CA8: variants seen among roughly 807,000 people sequenced by gnomAD.
The protein encoded by CA8 is carbonic anhydrase 8 (inactive).
A neutral mutation model predicts 41.4 loss-of-function variants in CA8; 22 were observed. That is an observed-to-expected ratio of 0.53 (90% CI 0.38 to 0.76). CA8 has a LOEUF of 0.76. Ranked by LOEUF, CA8 falls within the 30% of genes least tolerant of loss-of-function variation. The probability of loss-of-function intolerance (pLI) is 0.00; values close to 1 mark genes in which losing one functional copy is unlikely to be tolerated. For missense variants in CA8, 270 were observed against 352.8 expected (o/e 0.77, Z 1.88); for synonymous variants, 121 against 130.6 (o/e 0.93, Z 0.50).
chr8:60,265,809 T>C, intron 3 of CA8, 116 bp downstream of exon 3: 1 of 1,172,836 alleles, frequency 8.5e-7, no homozygotes, highest in Non-Finnish European at 1.2e-6. Flanking sequence ...AATTTTAGTA[T>C]AAACTGATAA....
intron 8 of CA8, among the ~76,000 whole-genome samples, chr8:60,193,266 A>G (rs988623940): frequency 2.0e-5 from 3 of 152,138 alleles, no homozygotes; most frequent in African/African-American, 7.2e-5. Flanking sequence ...AAGATATATC[A>G]TGCATTGTAT....
At chr8:60,210,647 C>A (rs148982667) in intron 7 of CA8, among the ~76,000 whole-genome samples, 5 of 151,460 alleles carry the variant, frequency 3.3e-5, no homozygotes, top group South Asian at 4.2e-4. Flanking sequence ...TACTTACATG[C>A]GCTTCGAATG....
At chr8:60,242,485 C>T (rs1456752737) in intron 3 of CA8, among the ~76,000 whole-genome samples, 1 of 152,042 alleles carries the variant, frequency 6.6e-6, no homozygotes. Context: ...TTGGAAAAGA[C>T]AGAGCGGGGT....
chr8:60,243,392 C>T (rs1407375846), intron 3 of CA8, among the ~76,000 whole-genome samples: 1 of 150,896 alleles, frequency 6.6e-6, no homozygotes, highest in Non-Finnish European at 1.5e-5. Flanking sequence ...TTAGCTCCTT[C>T]TCAACACCAT....
At chr8:60,212,445 T>C (rs576523652) in intron 7 of CA8, among the ~76,000 whole-genome samples, 2 of 152,364 alleles carry the variant, frequency 1.3e-5, no homozygotes, top group African/African-American at 4.8e-5. Flanking sequence ...GTGGTTTCCC[T>C]GTCTTGGCTT....
chr8:60,201,864 C>G (rs1297925594), intron 8 of CA8, among the ~76,000 whole-genome samples: 1 of 152,160 alleles, frequency 6.6e-6, no homozygotes, highest in Non-Finnish European at 1.5e-5. Flanking sequence ...TACTTTAATG[C>G]AACTATAATC....
At chr8:60,202,314 C>A (rs1350714163) in intron 8 of CA8, among the ~76,000 whole-genome samples, 1 of 151,438 alleles carries the variant, frequency 6.6e-6, no homozygotes, top group Non-Finnish European at 1.5e-5. Context: ...GCCTCACAAA[C>A]TGCTGGGATT....
intron 3 of CA8, among the ~76,000 whole-genome samples, chr8:60,263,617 C>A (rs1006429779): frequency 6.6e-6 from 1 of 152,176 alleles, no homozygotes; most frequent in African/African-American, 2.4e-5. Flanking sequence ...TGGCCATGCC[C>A]CTGTGCTTGA....
chr8:60,203,191 G>T (rs983168943), intron 8 of CA8, among the ~76,000 whole-genome samples: 1 of 152,084 alleles, frequency 6.6e-6, no homozygotes, highest in Non-Finnish European at 1.5e-5. Context: ...CTAGACTTTA[G>T]GTTGGCAGAT....
At chr8:60,261,470 C>T (rs934321458) in intron 3 of CA8, among the ~76,000 whole-genome samples, 6 of 152,180 alleles carry the variant, frequency 3.9e-5, no homozygotes, top group Non-Finnish European at 7.3e-5. Flanking sequence ...AAGTCAGGTT[C>T]CCCATACATG....
intron 3 of CA8, among the ~76,000 whole-genome samples, chr8:60,255,513 A>C (rs1057110228): frequency 6.6e-6 from 1 of 152,206 alleles, no homozygotes; most frequent in Non-Finnish European, 1.5e-5. Flanking sequence ...GGAGCCAAAT[A>C]AACTGGTTCC....
intron 3 of CA8, among the ~76,000 whole-genome samples, chr8:60,247,369 A>G (rs1048096609): frequency 1.3e-5 from 2 of 152,006 alleles, no homozygotes; most frequent in African/African-American, 2.4e-5. Context: ...TAAGCCCCAC[A>G]TGCATTAGGT....
intron 7 of CA8, among the ~76,000 whole-genome samples, chr8:60,220,890 C>G (rs1391096924): frequency 1.3e-5 from 2 of 152,072 alleles, no homozygotes; most frequent in African/African-American, 4.8e-5. Flanking sequence ...GATCCTTCGC[C>G]CTATTTTCAC....
intron 3 of CA8, among the ~76,000 whole-genome samples, chr8:60,253,094 G>A (rs1277567452): frequency 6.6e-6 from 1 of 151,994 alleles, no homozygotes; most frequent in African/African-American, 2.4e-5. Context: ...AATTAGCCAT[G>A]CATAGTGGCA....
At chr8:60,198,464 T>G (rs1806339203) in intron 8 of CA8, among the ~76,000 whole-genome samples, 1 of 152,194 alleles carries the variant, frequency 6.6e-6, no homozygotes, top group Non-Finnish European at 1.5e-5. Flanking sequence ...CTTTTAAAGT[T>G]CAGAAGTAAA....
chr8:60,217,370 T>G (rs943009320), intron 7 of CA8, among the ~76,000 whole-genome samples: 2 of 152,190 alleles, frequency 1.3e-5, no homozygotes, highest in Non-Finnish European at 2.9e-5. Flanking sequence ...GTGCAGAATC[T>G]GACACTCGTA....
intron 4 of CA8, among the ~76,000 whole-genome samples, chr8:60,227,619 T>C (rs905942991): frequency 6.6e-6 from 1 of 152,202 alleles, no homozygotes; most frequent in Non-Finnish European, 1.5e-5. Context: ...CTGGCATTTA[T>C]AGATCATTGC....
intron 7 of CA8, among the ~76,000 whole-genome samples, chr8:60,217,036 A>G (rs1807044907): frequency 6.6e-6 from 1 of 152,046 alleles, no homozygotes; most frequent in Non-Finnish European, 1.5e-5. Context: ...GGCGCCTGCC[A>G]CCACACCTGG....
At chr8:60,253,400 T>C (rs540319687) in intron 3 of CA8, among the ~76,000 whole-genome samples, 2 of 152,144 alleles carry the variant, frequency 1.3e-5, no homozygotes, top group African/African-American at 4.8e-5. Flanking sequence ...ATTCCAATAA[T>C]ATTCCATTTC....
Sources: gnomAD v4.1 joint callset for allele counts (sites outside exome capture counted in the v4.1 genomes callset) on GRCh38, gnomAD v4.1.1 for gene constraint, MANE v1.5 for transcripts, NCBI Gene and HGNC (gene_info 2026-07-23, HGNC 2026-07-21) for gene names.